DAP: variants seen among roughly 807,000 people sequenced by gnomAD.
The protein encoded by DAP is death associated protein, also known as death-associated protein 1.
In DAP, 8 loss-of-function variants were observed where a neutral mutation model predicts 13.8. That is an observed-to-expected ratio of 0.58 (90% CI 0.34 to 1.05). DAP has a LOEUF of 1.05. DAP is among the 50% of genes least tolerant of loss of function. DAP has a pLI of 0.03. For missense variants in DAP, 106 were observed against 133.2 expected (o/e 0.80, Z 1.01); for synonymous variants, 47 against 47.5 (o/e 0.99, Z 0.04).
At chr5:10,688,990 G>C (rs1174614912) in intron 2 of DAP, among the ~76,000 whole-genome samples, 1 of 152,160 alleles carries the variant, frequency 6.6e-6, no homozygotes, top group Admixed American at 6.5e-5. Flanking sequence ...ACGGGAGTCT[G>C]GAGCCCAGGG....
At chr5:10,694,859 A>T (rs1180361759) in intron 2 of DAP, among the ~76,000 whole-genome samples, 1 of 152,176 alleles carries the variant, frequency 6.6e-6, no homozygotes, top group Non-Finnish European at 1.5e-5. Context: ...CAGAGCCTGC[A>T]GGGCAGCCTA....
At chr5:10,727,332 G>A (rs535218535) in intron 2 of DAP, among the ~76,000 whole-genome samples, 1 of 152,296 alleles carries the variant, frequency 6.6e-6, no homozygotes, top group South Asian at 2.1e-4. Flanking sequence ...AGTCCCAGGT[G>A]CCTGTGGGAA....
At position 10,680,571 on chromosome 5, in the gene DAP, C is replaced by CT; in HGVS notation, c.*484dup. 1 of 688,570 alleles carries CT rather than the reference C, an allele frequency of 1.5e-6. No homozygotes were observed. The highest frequency in any genetic ancestry group is 2.4e-6 in the Non-Finnish European group (1 of 416,532). 42.7% of individuals were successfully genotyped at this position (688,570 alleles called of 1,614,324 possible). ...GAAATTTGGCATTGCTGTTCCCTGCCTCTAAGGTCCTTTATGAGGGGCCGC... is the reference window on the plus strand; with the variant it reads ...GAAATTTGGCATTGCTGTTCCCTGCCTTCTAAGGTCCTTTATGAGGGGCCGC... On this transcript the variant is annotated 3_prime_UTR_variant, in exon 4 of 4. Transcript: ENST00000230895.
intron 2 of DAP, among the ~76,000 whole-genome samples, chr5:10,722,565 TATAC>T (rs3031113): frequency 6.8e-5 from 10 of 146,844 alleles, no homozygotes; most frequent in Non-Finnish European, 8.9e-5. Flanking sequence ...CATGCATATA[TATAC>T]ATACATACAT....
intron 1 of DAP, among the ~76,000 whole-genome samples, chr5:10,757,562 C>A (rs915862547): frequency 6.6e-6 from 1 of 152,172 alleles, no homozygotes; most frequent in Non-Finnish European, 1.5e-5. Context: ...GCGTGAGCCA[C>A]GACACCCGGC....
At chr5:10,755,948 G>A (rs1355387549) in intron 1 of DAP, among the ~76,000 whole-genome samples, 2 of 152,224 alleles carry the variant, frequency 1.3e-5, no homozygotes, top group African/African-American at 4.8e-5. Flanking sequence ...AGGAGTTTGA[G>A]ACCTGACTGG....
rs534744798 is a variant in DAP, at chr5:10,708,577, G to A, written c.153-25006C>T. Among the ~76,000 whole-genome samples, 3 of 152,228 alleles carry A rather than the reference G, an allele frequency of 2.0e-5. No homozygotes were observed. In the Middle Eastern group the frequency reaches 0.01, roughly 518 times the overall value. Reference sequence around the variant, plus strand: ...CCTGCTGATCTCCATCCACTCAACTGACTTCATGACCCACCAACGGGCTAT... The same window carrying A: ...CCTGCTGATCTCCATCCACTCAACTAACTTCATGACCCACCAACGGGCTAT... On this transcript the variant is annotated intron_variant, in intron 2 of 3. Transcript: ENST00000230895.
chr5:10,753,083 C>T (rs2111395758), intron 1 of DAP, among the ~76,000 whole-genome samples: 1 of 152,282 alleles, frequency 6.6e-6, no homozygotes, highest in African/African-American at 2.4e-5. Flanking sequence ...ACCACCAGGA[C>T]CTCCGTCATT....
At chr5:10,694,669 C>T (rs1738390553) in intron 2 of DAP, among the ~76,000 whole-genome samples, 1 of 152,204 alleles carries the variant, frequency 6.6e-6, no homozygotes, top group Non-Finnish European at 1.5e-5. Flanking sequence ...ACTTGTGTAA[C>T]AGAGAGGACA....
At chr5:10,759,912 GC>G (rs1011558364) in intron 1 of DAP, among the ~76,000 whole-genome samples, 1 of 151,892 alleles carries the variant, frequency 6.6e-6, no homozygotes, top group African/African-American at 2.4e-5. Context: ...CCGCCACCAT[GC>G]CCAGCTAATT....
At chr5:10,732,975 G>C (rs1266879908) in intron 2 of DAP, among the ~76,000 whole-genome samples, 1 of 152,028 alleles carries the variant, frequency 6.6e-6, no homozygotes, top group Non-Finnish European at 1.5e-5. Context: ...CCCAGTCCCT[G>C]GTAAGCACCA....
intron 2 of DAP, among the ~76,000 whole-genome samples, chr5:10,703,586 G>C (rs1052717504): frequency 6.6e-6 from 1 of 152,250 alleles, no homozygotes; most frequent in Non-Finnish European, 1.5e-5. Context: ...ATATGCCAAA[G>C]GATCCATAAG....
intron 2 of DAP, among the ~76,000 whole-genome samples, chr5:10,686,806 T>C (rs561100926): frequency 5.3e-5 from 8 of 152,220 alleles, no homozygotes; most frequent in South Asian, 2.1e-4. Context: ...GCTAAGATCA[T>C]TGATGAAAGT....
rs1310866656 is a variant in DAP, at chr5:10,761,073, CGGCGGGGCTTCCGCGGGGCCGAG to C, written c.-28_-6del. 1.6e-6 allele frequency: 2 copies of C among 1,212,780 alleles called. No individual in the cohort carries two copies. The highest frequency in any genetic ancestry group is 1.6e-5 in the African/African-American group (1 of 63,202). 75.1% of individuals were successfully genotyped at this position (1,212,780 alleles called of 1,614,324 possible). A position where few individuals can be genotyped will look rare whatever the true frequency, so the allele number is the denominator to read the frequency against. ...CCCTTCGGGAGGCGAAGACATGACG[CGGCGGGGCTTCCGCGGGGCCGAG>C]GCGGCGGCGCGGTTCTCGGGCCGGG... On this transcript the variant is annotated 5_prime_UTR_variant, in exon 1 of 4. Coordinates refer to ENST00000230895, the MANE Select transcript of DAP (RefSeq NM_004394.3).
Position 10,680,632 on chromosome 5 carries a change from G to T in DAP, c.*424C>A. 9.1e-7 allele frequency: 1 copy of T among 1,096,350 alleles called. No homozygotes were observed. Among genetic ancestry groups the T allele is most frequent in the Non-Finnish European group, 1.3e-6 (1 of 775,650 alleles). The allele number at this position is 1,096,350 out of a possible 1,614,324, so 67.9% of individuals were successfully genotyped here. ...TCCCTTAGTTCTTACTCTCCCACAG[G>T]TGTTGAGATTTTATTGGCCCATACT... On this transcript the variant is annotated 3_prime_UTR_variant, in exon 4 of 4. Transcript: ENST00000230895.
chr5:10,751,118 G>T (rs1241408984), intron 1 of DAP, among the ~76,000 whole-genome samples: 2 of 152,142 alleles, frequency 1.3e-5, no homozygotes, highest in African/African-American at 4.8e-5. Flanking sequence ...CCCCAGGGGT[G>T]TGGCCTCTGA....
rs142844153 is a variant in DAP, at chr5:10,744,552, T to C, written c.152+3623A>G. 1.7e-3 allele frequency among the ~76,000 whole-genome samples: 262 copies of C among 152,274 alleles called. 2 individuals carry two copies. Among genetic ancestry groups the C allele is most frequent in the East Asian group, 8.7e-3 (45 of 5,178 alleles). On this transcript the variant is annotated intron_variant, in intron 2 of 3. Coordinates refer to ENST00000230895, the MANE Select transcript of DAP (RefSeq NM_004394.3). ...GCAACCCCAGAATCAGTAAGTTTCA[T>C]TTACAGAGAGATCAGGATTGCAATC...
chr5:10,748,014 A>AAC (rs1276454610), intron 2 of DAP, 161 bp downstream of exon 2: 5 of 594,956 alleles, frequency 8.4e-6, no homozygotes, highest in Non-Finnish European at 1.5e-5. Flanking sequence ...CCTGACTGAA[A>AAC]ACAAAGCCCC....
chr5:10,735,529 G>C (rs1443981811), intron 2 of DAP, among the ~76,000 whole-genome samples: 1 of 152,156 alleles, frequency 6.6e-6, no homozygotes, highest in African/African-American at 2.4e-5. Flanking sequence ...TTTTGTATAT[G>C]TTTCATAACT....
Sources: gnomAD v4.1 joint callset for allele counts (sites outside exome capture counted in the v4.1 genomes callset) on GRCh38, gnomAD v4.1.1 for gene constraint, MANE v1.5 for transcripts, NCBI Gene and HGNC (gene_info 2026-07-23, HGNC 2026-07-21) for gene names.